ZNF91: variants seen among roughly 807,000 people sequenced by gnomAD.
ZNF91 encodes zinc finger protein 91 (HPF7, HTF10).
Under a neutral mutation model 12.6 loss-of-function variants are expected in ZNF91, and 7 were observed. The observed-to-expected ratio is 0.55, with a 90% CI of 0.31 to 1.04. ZNF91 has a LOEUF of 1.04. Ranked by LOEUF, ZNF91 falls within the 50% of genes least tolerant of loss-of-function variation. ZNF91 has a pLI of 0.05. For missense variants in ZNF91, 1,217 were observed against 1,385.4 expected (o/e 0.88, Z 1.93); for synonymous variants, 453 against 462.6 (o/e 0.98, Z 0.27).
chr19:23,339,455 TAGAG>T (rs2145880119), intron 3 of ZNF91: 1 of 152,290 alleles, frequency 6.6e-6, no homozygotes, highest in East Asian at 1.9e-4. Flanking sequence ...CTCACAGCAT[TAGAG>T]AGACCATTGA....
intron 3 of ZNF91, among the ~76,000 whole-genome samples, chr19:23,373,038 T>G (rs769094483): frequency 6.6e-6 from 1 of 152,162 alleles, no homozygotes; most frequent in Admixed American, 6.5e-5. Flanking sequence ...TGGACCCTTG[T>G]GCAAACCCAG....
chr19:23,363,288 C>A (rs1305071419), intron 3 of ZNF91, among the ~76,000 whole-genome samples: 2 of 152,154 alleles, frequency 1.3e-5, no homozygotes, highest in Non-Finnish European at 2.9e-5. Flanking sequence ...TTTCCTGACA[C>A]TGATTTCCCT....
chr19:23,386,297 G>GA (rs541941675), intron 1 of ZNF91, among the ~76,000 whole-genome samples: 11 of 149,892 alleles, frequency 7.3e-5, no homozygotes, highest in South Asian at 4.2e-4. Flanking sequence ...TTAACAGAAT[G>GA]AAAAAAAAAC....
At chr19:23,317,234 G>C (rs563402125) in intron 1 of ZNF91, among the ~76,000 whole-genome samples, 1 of 152,164 alleles carries the variant, frequency 6.6e-6, no homozygotes, top group South Asian at 2.1e-4. Flanking sequence ...ATTTTTAGTA[G>C]AGACGGGGTT....
chr19:23,356,381 C>T (rs567006478), downstream of ZNF91, among the ~76,000 whole-genome samples: 1 of 152,028 alleles, frequency 6.6e-6, no homozygotes, highest in Non-Finnish European at 1.5e-5. Flanking sequence ...CACATGCACA[C>T]ACACATACAT....
chr19:23,348,763 A>G (rs1302693209), intron 3 of ZNF91, among the ~76,000 whole-genome samples: 1 of 152,180 alleles, frequency 6.6e-6, no homozygotes, highest in Non-Finnish European at 1.5e-5. Flanking sequence ...CTGCAGTCTG[A>G]CTGCAGAATA....
At position 23,361,531 on chromosome 19, in the gene ZNF91, A is replaced by G. The variant is rs1275521764; in HGVS notation, c.1448T>C (p.Ile483Thr). The change falls in exon 4 of 4, where the codon ATA becomes ACA. Residue 483 changes from isoleucine (I) to threonine (T), a missense_variant. This residue lies in a region of ZNF91 where 726 missense variants were observed against 895.5 expected (regional missense o/e 0.81). Coordinates refer to ENST00000300619, the MANE Select transcript of ZNF91 (RefSeq NM_003430.4). ...WSSTLTRHKR[I>T]HTGEKPYKCE... ...TTTGTAGGGCTTCTCTCCAGTGTGT[A>G]TCCTCTTATGTCTAGTTAGGGTTGA... The G allele has an allele frequency of 1.9e-6, 3 of 1,613,566 alleles. No homozygotes were observed. The highest frequency in any genetic ancestry group is 1.3e-5 in the African/African-American group (1 of 74,816).
chr19:23,340,801 G>GA (rs199613031), intron 3 of ZNF91, among the ~76,000 whole-genome samples: 9 of 148,266 alleles, frequency 6.1e-5, no homozygotes, highest in African/African-American at 1.7e-4. Context: ...TTTTGGCACA[G>GA]AAAAAAAAAT....
In ZNF91 at chr19:23,320,676, A is replaced by G. The variant is rs536011176; in HGVS notation, n.117-11579T>C. 7.4e-4 allele frequency among the ~76,000 whole-genome samples: 113 copies of G among 152,328 alleles called. 1 individual carries two copies. The South Asian group carries it at 0.013, about 18-fold the overall frequency. ...TGACACATGGAGATTACAATTGTAG[A>G]TGAGATTTGGGTGAGGACATAGAGC... On this transcript the variant is annotated intron_variant and non_coding_transcript_variant, in intron 1 of 1. Coordinates refer to the ZNF91 transcript ENST00000596528.
intron 3 of ZNF91, among the ~76,000 whole-genome samples, chr19:23,349,684 AC>A (rs1968315382): frequency 6.6e-6 from 1 of 152,042 alleles, no homozygotes; most frequent in Admixed American, 6.5e-5. Context: ...ACACTGTGAT[AC>A]GCAGCATGCC....
downstream of ZNF91, among the ~76,000 whole-genome samples, chr19:23,356,956 G>A (rs569458922): frequency 1.3e-5 from 2 of 151,996 alleles, no homozygotes; most frequent in Non-Finnish European, 2.9e-5. Context: ...TAGTCCAGGC[G>A]AGGCGGCTCA....
rs1018277764 is a variant in ZNF91 at position 23,382,168 on chromosome 19, T to C, written c.31-7404A>G. On this transcript the variant is annotated intron_variant, in intron 1 of 3. Coordinates refer to ENST00000300619, the MANE Select transcript of ZNF91 (RefSeq NM_003430.4). The stretch of plus-strand genomic sequence containing the variant: ...TCTAAATGTTATAAGAAAAGAGATT[T>C]TAGTAAGATATTTTCTTACTTTTAT... Among the ~76,000 whole-genome samples the C allele has an allele frequency of 3.3e-5, 5 of 152,156 alleles. 1 individual carries two copies. The highest frequency in any genetic ancestry group is 3.2e-3 in the Middle Eastern group (1 of 316).
At chr19:23,320,996 G>C (rs762143517) in intron 1 of ZNF91, among the ~76,000 whole-genome samples, 1 of 152,178 alleles carries the variant, frequency 6.6e-6, no homozygotes, top group African/African-American at 2.4e-5. Flanking sequence ...ACAATGCCCA[G>C]AAAACATTGA....
chr19:23,366,190 C>T (rs893635109), intron 3 of ZNF91, among the ~76,000 whole-genome samples: 4 of 151,900 alleles, frequency 2.6e-5, no homozygotes, highest in Admixed American at 6.6e-5. Flanking sequence ...GCTGGCCCGG[C>T]GGGGGCTGAC....
At position 23,359,345 on chromosome 19, in the gene ZNF91, C is replaced by T. The variant is rs1046075122; in HGVS notation, c.*58G>A. 7 of 623,336 alleles carry T rather than the reference C, an allele frequency of 1.1e-5. No homozygotes were observed. Among genetic ancestry groups the T allele is most frequent in the Non-Finnish European group, 1.7e-5 (6 of 363,206 alleles). The allele number at this position is 623,336 out of a possible 1,614,324, so 38.6% of individuals were successfully genotyped here. On this transcript the variant is annotated 3_prime_UTR_variant, in exon 4 of 4. Transcript: ENST00000300619. ...TCACGCCATTCTCCTGCCTCAGCCT[C>T]TCGCATAGCTGGGACTACAGGCGCC...
At chr19:23,392,444 T>C (rs1970099464) in intron 1 of ZNF91, among the ~76,000 whole-genome samples, 3 of 149,390 alleles carry the variant, frequency 2.0e-5, no homozygotes, top group South Asian at 4.3e-4. Context: ...GGAACACTTC[T>C]AGGAGGTATC....
At chr19:23,389,507 G>C (rs960724252) in intron 1 of ZNF91, among the ~76,000 whole-genome samples, 2 of 152,154 alleles carry the variant, frequency 1.3e-5, no homozygotes, top group African/African-American at 4.8e-5. Flanking sequence ...TAGTGGGTAT[G>C]TTAGTGAGTG....
chr19:23,335,998 T>A (rs78031061), downstream of ZNF91, among the ~76,000 whole-genome samples: 2,039 of 152,304 alleles, frequency 0.013, 47 homozygotes, highest in African/African-American at 0.046. Flanking sequence ...AAACTCTTCA[T>A]AAATGATAAT....
intron 1 of ZNF91, among the ~76,000 whole-genome samples, chr19:23,317,861 A>C (rs1205835281): frequency 6.6e-6 from 1 of 152,156 alleles, no homozygotes; most frequent in East Asian, 1.9e-4. Context: ...CCCAACATAG[A>C]GGAGATGTTG....
Sources: allele counts gnomAD v4.1 joint callset (sites outside exome capture counted in the v4.1 genomes callset), GRCh38; gene constraint gnomAD v4.1.1; regional missense constraint gnomAD v4.1.1; transcripts MANE v1.5; gene names NCBI Gene and HGNC (gene_info 2026-07-23, HGNC 2026-07-21).